The following DEPDC1 variants were observed in gnomAD, a reference collection of about 807,000 sequenced individuals.
DEPDC1 encodes DEP domain-containing protein 1A.
Under a neutral mutation model 86.8 loss-of-function variants are expected in DEPDC1, and 66 were observed. The ratio of observed to expected loss-of-function variants is 0.76; its 90% CI spans 0.62 to 0.93. The LOEUF (loss-of-function observed/expected upper bound fraction) is 0.93, where lower values mean the gene tolerates loss of function less well. Ranked by LOEUF, DEPDC1 falls within the 40% of genes least tolerant of loss-of-function variation. The pLI, the probability that DEPDC1 is intolerant of heterozygous loss-of-function variation, is 0.00. For synonymous variants in DEPDC1, 255 were observed against 314.9 expected, an observed-to-expected ratio of 0.81 and a Z score of 2.02; for missense variants, 792 against 935.7, an observed-to-expected ratio of 0.85 and a Z score of 2.00.
rs529194579 is a variant in DEPDC1, at chr1:68,475,448, T to C, written c.*1484A>G. ...AATTCATTTTGGTTCAATAATTTTA[T>C]AGCCAGGATAAAGTCATATTTATAA... On this transcript the variant is annotated 3_prime_UTR_variant, in exon 12 of 12. Transcript: ENST00000456315. 12 of 152,010 alleles carry C rather than the reference T, an allele frequency of 7.9e-5. No individual in the cohort carries two copies. The highest frequency in any genetic ancestry group is 3.4e-3 in the Middle Eastern group (1 of 294). 9.4% of individuals were successfully genotyped at this position (152,010 alleles called of 1,614,324 possible).
At chr1:68,492,430 G>A (rs1646236112) in intron 2 of DEPDC1, among the ~76,000 whole-genome samples, 1 of 152,072 alleles carries the variant, frequency 6.6e-6, no homozygotes, top group African/African-American at 2.4e-5. Flanking sequence ...GGAGAGGCCG[G>A]GCGTGGTGGC....
intron 9 of DEPDC1, among the ~76,000 whole-genome samples, chr1:68,479,633 T>C (rs1301626122): frequency 6.6e-6 from 1 of 151,820 alleles, no homozygotes; most frequent in African/African-American, 2.4e-5. Flanking sequence ...TGAAACCCTA[T>C]ACCTATGAAG....
At chr1:68,483,158 T>G (rs1430949139) in intron 7 of DEPDC1, 1 of 534,580 alleles carries the variant, frequency 1.9e-6, no homozygotes, top group Non-Finnish European at 3.4e-6. Flanking sequence ...TTAAATGGAT[T>G]GAGCCAGAAT....
rs185634425 is a variant in DEPDC1 at position 68,478,396 on chromosome 1, A to C, written c.2113-424T>G. On this transcript the variant is annotated intron_variant, in intron 10 of 11. Coordinates refer to ENST00000456315, the MANE Select transcript of DEPDC1 (RefSeq NM_001114120.3). ...ACTTTAATGTTCTGACAGTGCAGGT[A>C]GTAGATGATCAGCATATTTACTGAA... Among the ~76,000 whole-genome samples the C allele has an allele frequency of 1.7e-3, 256 of 152,016 alleles. No individual in the cohort carries two copies. The Middle Eastern group carries it at 0.017, about 10-fold the overall frequency.
At chr1:68,489,229 C>G (rs1571203269) in intron 3 of DEPDC1, among the ~76,000 whole-genome samples, 195 bp from the exon 4 acceptor site, 1 of 151,976 alleles carries the variant, frequency 6.6e-6, no homozygotes, top group East Asian at 1.9e-4. Context: ...CCAAAACACA[C>G]TTAAATTATA....
chr1:68,493,730 T>A (rs1234332706), intron 2 of DEPDC1, among the ~76,000 whole-genome samples: 1 of 152,206 alleles, frequency 6.6e-6, no homozygotes, highest in African/African-American at 2.4e-5. Context: ...ATCATTGTTA[T>A]TTTTTGAGAT....
intron 5 of DEPDC1, 121 bp from the exon 6 acceptor site, chr1:68,487,105 T>G: frequency 1.3e-6 from 1 of 768,636 alleles, no homozygotes. Flanking sequence ...CATGTTACAT[T>G]TGTATATGTG....
At position 68,481,444 on chromosome 1, in the gene DEPDC1, G is replaced by A. The variant is rs1202604180; in HGVS notation, c.1931C>T (p.Ser644Leu). ...TTCTATAAGAAATCAACTTACCAGT[G>A]ACCTCGTACCCATTGCATCATGAAG... ...PKLHDAMGTR[S>L]LMIHTFSRCV... is the part of the protein sequence containing the mutation. Residue 644 changes from serine (S) to leucine (L), a missense_variant, in exon 9 of 12, where the codon TCA becomes TTA. Transcript: ENST00000456315. 1 of 1,608,802 alleles carries A rather than the reference G, an allele frequency of 6.2e-7. No individual in the cohort carries two copies.
chr1:68,482,405 T>A lies in DEPDC1; in HGVS notation c.1403A>T (p.Asn468Ile). The change falls in exon 8 of 12, where the codon AAT becomes ATT. Residue 468 changes from asparagine to isoleucine, a missense_variant. Coordinates refer to ENST00000456315, the MANE Select transcript of DEPDC1 (RefSeq NM_001114120.3). Reference sequence around the variant, plus strand: ...TTGAATATTTTCCTCTGAATGAAGATTCAACAGGAATTCCTGTTTGGGCTT... The same window carrying A: ...TTGAATATTTTCCTCTGAATGAAGAATCAACAGGAATTCCTGTTTGGGCTT... The part of the protein sequence containing the change: ...ESKPKQEFLL[N>I]LHSEENIQKP... 3 of 1,612,814 alleles carry A rather than the reference T, an allele frequency of 1.9e-6. No homozygotes were observed. Among genetic ancestry groups the A allele is most frequent in the Non-Finnish European group, 2.5e-6 (3 of 1,179,252 alleles).
intron 6 of DEPDC1, 34 bp downstream of exon 6, chr1:68,486,881 AACACACACACACACACACACAC>A: frequency 9.3e-6 from 11 of 1,176,566 alleles, no homozygotes; most frequent in Non-Finnish European, 1.2e-5. Flanking sequence ...CTATCAATAT[AACACACACACACACACACACAC>A]ACACACACAC....
rs559579427 is a variant in DEPDC1, at chr1:68,491,288, C to CA, written c.315-1681dup. On this transcript the variant is annotated intron_variant, in intron 2 of 11. Coordinates refer to ENST00000456315, the MANE Select transcript of DEPDC1 (RefSeq NM_001114120.3). ...AAATTTTTGCAAACTATGAATCTGA[C>CA]AAAGGTCTAGTATCCAGCATTTACA... Among the ~76,000 whole-genome samples, 236 of 152,172 alleles carry CA rather than the reference C, an allele frequency of 1.6e-3. 1 individual carries two copies. Among genetic ancestry groups the CA allele is most frequent in the African/African-American group, 5.2e-3 (217 of 41,536 alleles).
chr1:68,496,891 TGC>T lies in DEPDC1; in HGVS notation c.48+59_48+60del. ...AAACTGCGAACGGTCGAGGTAAAAC[TGC>T]GAACAGTGGTGACTGCCGTCAGCCC... On this transcript the variant is annotated intron_variant, in intron 1 of 11. Coordinates refer to ENST00000456315, the MANE Select transcript of DEPDC1 (RefSeq NM_001114120.3). This position sits in a 1 kb window ranked among gnomAD's most constrained non-coding sequence, Gnocchi z 4.0. 1 of 1,562,970 alleles carries T rather than the reference TGC, an allele frequency of 6.4e-7. No homozygotes were observed. The highest frequency in any genetic ancestry group is 1.7e-5 in the Admixed American group (1 of 58,304).
chr1:68,478,918 C>G (rs763724271), intron 10 of DEPDC1, among the ~76,000 whole-genome samples: 16 of 151,948 alleles, frequency 1.1e-4, no homozygotes, highest in Non-Finnish European at 2.2e-4. Context: ...CATTCCTCAT[C>G]ATGTGAAGGA....
chr1:68,481,478 T>C lies in DEPDC1; in HGVS notation c.1897A>G (p.Met633Val), dbSNP rs1646154872. 13 of 1,612,556 alleles carry C rather than the reference T, an allele frequency of 8.1e-6. No individual in the cohort carries two copies. The highest frequency in any genetic ancestry group is 1.0e-5 in the Non-Finnish European group (12 of 1,179,062). The change falls in exon 9 of 12, where the codon ATG becomes GTG. Residue 633 changes from methionine (M) to valine (V), a missense_variant. Physicochemically the swap from Met to Val is conservative, Grantham distance 21. Transcript: ENST00000456315. Reference protein sequence around the residue: ...MISRMSQNVDMPKLHDAMGTR... With the variant: ...MISRMSQNVDVPKLHDAMGTR... ...CCCATTGCATCATGAAGTTTGGGCA[T>C]ATCAACATTTTGACTCATTCGGGAA...
At chr1:68,495,348 CAATT>C (rs1646258237) in intron 1 of DEPDC1, among the ~76,000 whole-genome samples, 1 of 152,128 alleles carries the variant, frequency 6.6e-6, no homozygotes, top group Non-Finnish European at 1.5e-5. Context: ...TTTTTTACCT[CAATT>C]AATATTAATG....
At chr1:68,493,971 A>G (rs998729990) in intron 2 of DEPDC1, among the ~76,000 whole-genome samples, 2 of 152,184 alleles carry the variant, frequency 1.3e-5, no homozygotes, top group African/African-American at 4.8e-5. Flanking sequence ...AAGTGCTGGG[A>G]TTACAGGCAT....
In DEPDC1 at chr1:68,481,521, T is replaced by C. The variant is rs1344772307; in HGVS notation, c.1854A>G (p.Gln618=). 2 of 1,612,408 alleles carry C rather than the reference T, an allele frequency of 1.2e-6. No homozygotes were observed. Among genetic ancestry groups the C allele is most frequent in the Non-Finnish European group, 1.7e-6 (2 of 1,179,040 alleles). The change falls in exon 9 of 12, where the codon CAA becomes CAG. Residue 618 remains glutamine (Q), a synonymous_variant. Transcript: ENST00000456315. The part of the protein sequence containing the change: ...LLPPPNRRKL[Q]LLMRMISRMS... Reference sequence around the variant, plus strand: ...TTCGGGAAATCATACGCATTAAAAGTTGAAGCTTTCTACGATTTGGTGGGG... The same window carrying C: ...TTCGGGAAATCATACGCATTAAAAGCTGAAGCTTTCTACGATTTGGTGGGG...
chr1:68,494,494 C>T lies in DEPDC1; in HGVS notation c.250G>A (p.Val84Ile). ...QLLRKFLKNH[V>I]IEDIKGRWGS... ...CACCTCCCTTTGATATCTTCAATTA[C>T]ATGATTCTTAAGAAATTTCCTCAAC... Residue 84 changes from valine to isoleucine, a missense_variant, in exon 2 of 12, where the codon GTA becomes ATA. Coordinates refer to ENST00000456315, the MANE Select transcript of DEPDC1 (RefSeq NM_001114120.3). 1.2e-6 allele frequency: 2 copies of T among 1,613,728 alleles called. No individual in the cohort carries two copies. The highest frequency in any genetic ancestry group is 1.7e-6 in the Non-Finnish European group (2 of 1,179,734).
At chr1:68,487,023 T>A (rs751277930) in intron 5 of DEPDC1, 39 bp from the exon 6 acceptor site, 1 of 1,562,974 alleles carries the variant, frequency 6.4e-7, no homozygotes, top group Non-Finnish European at 8.7e-7. Flanking sequence ...AAACCATACA[T>A]TTTTTATGAT....
Sources: gnomAD v4.1 joint callset for allele counts (sites outside exome capture counted in the v4.1 genomes callset) on GRCh38, gnomAD v4.1.1 for gene constraint, Gnocchi (gnomAD v3.1) non-coding constraint, MANE v1.5 for transcripts, NCBI Gene and HGNC (gene_info 2026-07-23, HGNC 2026-07-21) for gene names.